CDC14B: variants seen among roughly 807,000 people sequenced by gnomAD.
The protein encoded by CDC14B is dual specificity protein phosphatase CDC14B.
CDC14B carries 22 observed loss-of-function variants against 64.2 expected under a neutral mutation model. The observed-to-expected ratio is 0.34, with a 90% CI of 0.24 to 0.49. CDC14B has a LOEUF of 0.49. Among genes scored for constraint, CDC14B ranks in the 20% least tolerant of loss-of-function variants. CDC14B has a pLI of 0.99. For synonymous variants in CDC14B, 191 were observed against 215.8 expected (o/e 0.89, Z 1.01); for missense variants, 498 against 629.9 (o/e 0.79, Z 2.24).
chr9:96,538,011 C>T (rs16911149), intron 7 of CDC14B, among the ~76,000 whole-genome samples: 1 of 152,150 alleles, frequency 6.6e-6, no homozygotes, highest in South Asian at 2.1e-4. Flanking sequence ...TGAGCCACTG[C>T]GCCTGGCAGA....
chr9:96,617,278 T>C lies in CDC14B; in HGVS notation c.160+1941A>G, dbSNP rs1325867715. ...GTTCTATTTTTCTGAAGTTGATTAA[T>C]TGGTGACTGCCTCACGAAGACTAGC... is the stretch of plus-strand genomic sequence containing the variant. On this transcript the variant is annotated intron_variant, in intron 1 of 13. Coordinates refer to ENST00000375241, the MANE Select transcript of CDC14B (RefSeq NM_033331.4). Among the ~76,000 whole-genome samples the C allele has an allele frequency of 7.1e-4, 108 of 151,840 alleles. 1 individual carries two copies. The highest frequency in any genetic ancestry group is 7.4e-5 in the Non-Finnish European group (5 of 68,008).
intron 5 of CDC14B, among the ~76,000 whole-genome samples, chr9:96,551,111 C>CTTTTTTTTTTTTTTTTTTT (rs202193145): frequency 0.017 from 1,539 of 93,146 alleles, 197 homozygotes; most frequent in South Asian, 0.032. Flanking sequence ...TTGGGGTTTG[C>CTTTTTTTTTTTTTTTTTTT]TTTTTTTTTT....
chr9:96,601,370 G>A (rs1438696037), intron 1 of CDC14B, among the ~76,000 whole-genome samples: 8 of 151,208 alleles, frequency 5.3e-5, no homozygotes, highest in East Asian at 1.9e-4. Context: ...GGTGGTGTGC[G>A]CCTGTAGTCC....
intron 12 of CDC14B, among the ~76,000 whole-genome samples, chr9:96,518,793 G>A (rs1010600325): frequency 2.6e-5 from 4 of 152,150 alleles, no homozygotes; most frequent in African/African-American, 9.7e-5. Flanking sequence ...ATGTCCAAGT[G>A]TCAGCATTAT....
intron 13 of CDC14B, among the ~76,000 whole-genome samples, chr9:96,506,353 T>C (rs1489127909): frequency 1.3e-5 from 2 of 152,188 alleles, no homozygotes; most frequent in East Asian, 1.9e-4. Flanking sequence ...TTATGAATAA[T>C]ATTCAGTAGG....
At chr9:96,596,826 TCCA>T (rs1258186641) in intron 1 of CDC14B, among the ~76,000 whole-genome samples, 1 of 147,914 alleles carries the variant, frequency 6.8e-6, no homozygotes, top group Admixed American at 6.8e-5. Flanking sequence ...GCCACTACAC[TCCA>T]GCCTGGACGG....
intron 1 of CDC14B, among the ~76,000 whole-genome samples, chr9:96,571,190 T>A (rs1719751423): frequency 6.6e-6 from 1 of 152,004 alleles, no homozygotes; most frequent in African/African-American, 2.4e-5. Flanking sequence ...TTTTTTTTTT[T>A]TTTTGAGACG....
At chr9:96,542,869 C>A (rs2131881997) in intron 5 of CDC14B, among the ~76,000 whole-genome samples, 1 of 151,698 alleles carries the variant, frequency 6.6e-6, no homozygotes, top group Admixed American at 6.6e-5. Context: ...ATTAGCCAGG[C>A]ACGGTGGTGG....
chr9:96,598,279 T>C (rs1335356924), intron 1 of CDC14B, among the ~76,000 whole-genome samples: 1 of 152,212 alleles, frequency 6.6e-6, no homozygotes, highest in Non-Finnish European at 1.5e-5. Flanking sequence ...TTTCCAAACA[T>C]TAGATTGGCA....
intron 1 of CDC14B, chr9:96,567,035 G>A: frequency 1.5e-6 from 2 of 1,293,068 alleles, no homozygotes; most frequent in Non-Finnish European, 2.0e-6. Context: ...CGACGAGGCC[G>A]TGGGGACGGA....
chr9:96,618,154 C>T (rs1407305074), intron 1 of CDC14B, among the ~76,000 whole-genome samples: 1 of 152,186 alleles, frequency 6.6e-6, no homozygotes, highest in African/African-American at 2.4e-5. Flanking sequence ...AATATTATTT[C>T]TCCTAAACGT....
Position 96,562,207 on chromosome 9 carries a change from T to C in CDC14B, c.420+486A>G, listed in dbSNP as rs370352028. Among the ~76,000 whole-genome samples the C allele has an allele frequency of 2.1e-4, 32 of 152,286 alleles. No individual in the cohort carries two copies. In the East Asian group the frequency reaches 3.3e-3, roughly 16 times the overall value. On this transcript the variant is annotated intron_variant, in intron 4 of 13. Transcript: ENST00000375241. ...TCCCGTGGCCTCCTGCTAGATGTTT[T>C]GATGAGAAAGGAGATGACCTTAATT...
intron 1 of CDC14B, among the ~76,000 whole-genome samples, chr9:96,597,881 T>A (rs1846189968): frequency 6.6e-6 from 1 of 152,166 alleles, no homozygotes; most frequent in African/African-American, 2.4e-5. Context: ...TATGTAAAAG[T>A]AAAATTCATA....
At chr9:96,564,885 A>T in intron 2 of CDC14B, 33 bp from the exon 3 acceptor site, 1 of 1,392,084 alleles carries the variant, frequency 7.2e-7, no homozygotes, top group Non-Finnish European at 1.0e-6. Flanking sequence ...TGTGATGTAC[A>T]TTCTAGATGC....
chr9:96,569,310 G>C (rs1317154347), intron 1 of CDC14B, among the ~76,000 whole-genome samples: 3 of 152,170 alleles, frequency 2.0e-5, no homozygotes, highest in African/African-American at 7.2e-5. Context: ...TTAAACAAGG[G>C]AACTGGTTAG....
At chr9:96,555,845 C>T (rs1196059584) in intron 4 of CDC14B, among the ~76,000 whole-genome samples, 2 of 152,138 alleles carry the variant, frequency 1.3e-5, no homozygotes, top group African/African-American at 4.8e-5. Flanking sequence ...CTTCCCACCA[C>T]CCCCACTTTC....
chr9:96,519,354 C>T (rs1473219036), intron 12 of CDC14B, among the ~76,000 whole-genome samples: 1 of 152,098 alleles, frequency 6.6e-6, no homozygotes, highest in African/African-American at 2.4e-5. Flanking sequence ...TTCCTGTCAT[C>T]ATTGTAGTCA....
At chr9:96,507,312 A>G (rs1198400317) in intron 13 of CDC14B, among the ~76,000 whole-genome samples, 1 of 137,016 alleles carries the variant, frequency 7.3e-6, no homozygotes, top group Non-Finnish European at 1.6e-5. Flanking sequence ...ATGTCAAAGG[A>G]AAAAAAAAAA....
At chr9:96,573,182 G>A (rs778782636) in intron 1 of CDC14B, among the ~76,000 whole-genome samples, 3 of 151,952 alleles carry the variant, frequency 2.0e-5, no homozygotes, top group Non-Finnish European at 4.4e-5. Flanking sequence ...TGGGTGGCCC[G>A]CGCCTGTAAT....
Sources: gnomAD v4.1 joint callset for allele counts (sites outside exome capture counted in the v4.1 genomes callset) on GRCh38, gnomAD v4.1.1 for gene constraint, MANE v1.5 for transcripts, NCBI Gene and HGNC (gene_info 2026-07-23, HGNC 2026-07-21) for gene names.